The following AGAP5 variants were observed in gnomAD, a reference collection of about 807,000 sequenced individuals.
The protein encoded by AGAP5 is arf-GAP with GTPase, ANK repeat and PH domain-containing protein 5.
In AGAP5, 8 loss-of-function variants were observed where a neutral mutation model predicts 27.7. The observed-to-expected ratio is 0.29, with a 90% CI of 0.17 to 0.52. The LOEUF (loss-of-function observed/expected upper bound fraction) is 0.52, where lower values mean the gene tolerates loss of function less well. Among genes scored for constraint, AGAP5 ranks in the 20% least tolerant of loss-of-function variants. The pLI is 0.97. For missense variants in AGAP5, 285 were observed against 880.8 expected, an observed-to-expected ratio of 0.32 and a Z score of 8.56; for synonymous variants, 111 against 338.0, an observed-to-expected ratio of 0.33 and a Z score of 7.37.
intron 4 of AGAP5, among the ~76,000 whole-genome samples, chr10:73,687,153 C>T (rs796687372): frequency 6.6e-6 from 1 of 152,164 alleles, no homozygotes; most frequent in South Asian, 2.1e-4. Context: ...TAAAGTACAG[C>T]ATTTTTCTCA....
intron 4 of AGAP5, among the ~76,000 whole-genome samples, chr10:73,689,454 C>A (rs1385571776): frequency 6.8e-6 from 1 of 146,208 alleles, no homozygotes; most frequent in African/African-American, 2.6e-5. Context: ...GCCCCATCGT[C>A]TGGGATGTGA....
In AGAP5 at chr10:73,675,831, C is replaced by T. The variant is rs774468046; in HGVS notation, c.829G>A (p.Gly277Arg). The T allele has an allele frequency of 1.4e-5, 23 of 1,613,618 alleles. No homozygotes were observed. The highest frequency in any genetic ancestry group is 1.1e-4 in the South Asian group (10 of 91,052). ...KAPENHADTI[G>R]SGRAIPIKQG... is the part of the protein sequence containing the mutation. ...TTAATGGGGATGGCTCTGCCGCTCC[C>T]GATGGTGTCAGCATGATTCTCCGGG... Residue 277 changes from glycine (G) to arginine (R), a missense_variant, in exon 8 of 8, where the codon GGG becomes AGG. Gly to Arg is a moderately radical substitution (Grantham distance 125). Transcript: ENST00000374094.
intron 4 of AGAP5, among the ~76,000 whole-genome samples, chr10:73,690,148 G>A (rs1314011723): frequency 3.3e-5 from 5 of 152,256 alleles, no homozygotes; most frequent in Admixed American, 2.6e-4. Flanking sequence ...TGACAATGGC[G>A]GTTTTGTGGA....
intron 3 of AGAP5, among the ~76,000 whole-genome samples, 159 bp downstream of exon 3, chr10:73,694,574 TAAC>T (rs1211583703): frequency 2.6e-5 from 4 of 152,206 alleles, no homozygotes; most frequent in East Asian, 1.9e-4. Flanking sequence ...ACTAACATCA[TAAC>T]AACTAAAGGA....
At chr10:73,688,568 G>A (rs925979720) in intron 4 of AGAP5, among the ~76,000 whole-genome samples, 2 of 151,552 alleles carry the variant, frequency 1.3e-5, no homozygotes, top group Non-Finnish European at 2.9e-5. Context: ...AGAAATAGTA[G>A]AGGATAAAGT....
chr10:73,675,400 T>G lies in AGAP5; in HGVS notation c.1260A>C (p.Thr420=). 1 of 1,613,730 alleles carries G rather than the reference T, an allele frequency of 6.2e-7. No individual in the cohort carries two copies. Among genetic ancestry groups the G allele is most frequent in the Non-Finnish European group, 8.5e-7 (1 of 1,179,960 alleles). ...CATACGTCGTGGCTTCAAAGTGCCATGTTTGGCCAGTGGCAGACACAATCA... is the reference window on the plus strand; with the variant it reads ...CATACGTCGTGGCTTCAAAGTGCCAGGTTTGGCCAGTGGCAGACACAATCA... ...NFMIVSATGQ[T]WHFEATTYEE... Residue 420 remains threonine (T), a synonymous_variant, in exon 8 of 8, where the codon ACA becomes ACC. Transcript: ENST00000374094.
rs571144466 is a variant in AGAP5, at chr10:73,675,905, T to C, written c.755A>G (p.Asn252Ser). The change falls in exon 8 of 8, where the codon AAC becomes AGC. Residue 252 changes from asparagine to serine, a missense_variant. Asn to Ser is a conservative substitution (Grantham distance 46). Transcript: ENST00000374094. ...ACTCCCTTTCTCAGATGTAAACAGG[T>C]TGGACCAGCGCATGGACCGCTTGCA... ...PVCKRSMRWSNLFTSEKGSHP... is the reference protein window; with the variant it reads ...PVCKRSMRWSSLFTSEKGSHP... 5 of 1,613,852 alleles carry C rather than the reference T, an allele frequency of 3.1e-6. No individual in the cohort carries two copies. The Admixed American group carries it at 8.3e-5, about 27-fold the overall frequency.
intron 4 of AGAP5, among the ~76,000 whole-genome samples, chr10:73,689,251 G>A (rs1158371273): frequency 2.6e-5 from 4 of 152,254 alleles, no homozygotes; most frequent in South Asian, 2.1e-4. Flanking sequence ...GGCCTCCCGA[G>A]GTGCCGGGAT....
At chr10:73,680,720 TG>T (rs2082018520) in intron 5 of AGAP5, among the ~76,000 whole-genome samples, 1 of 148,330 alleles carries the variant, frequency 6.7e-6, no homozygotes, top group Non-Finnish European at 1.5e-5. Context: ...CCCAAGTGGC[TG>T]GGATTACAGG....
intron 4 of AGAP5, among the ~76,000 whole-genome samples, chr10:73,686,293 CAT>C (rs2082063135): frequency 6.6e-6 from 1 of 152,162 alleles, no homozygotes; most frequent in Non-Finnish European, 1.5e-5. Flanking sequence ...CCACCTAAAA[CAT>C]AAAGTGAAGA....
At chr10:73,676,961 C>T (rs906010442) in intron 6 of AGAP5, among the ~76,000 whole-genome samples, 191 bp from the exon 7 acceptor site, 2 of 152,010 alleles carry the variant, frequency 1.3e-5, no homozygotes, top group Non-Finnish European at 2.9e-5. Flanking sequence ...TGGCCTGTAC[C>T]GTGAAGCCTT....
At chr10:73,689,898 G>T (rs1201093853) in intron 4 of AGAP5, among the ~76,000 whole-genome samples, 1 of 151,824 alleles carries the variant, frequency 6.6e-6, no homozygotes, top group African/African-American at 2.4e-5. Flanking sequence ...CCCCGTCCGG[G>T]AGGTGAGGGG....
At chr10:73,692,285 T>C (rs1228318190) in intron 3 of AGAP5, among the ~76,000 whole-genome samples, 1 of 152,058 alleles carries the variant, frequency 6.6e-6, no homozygotes, top group African/African-American at 2.4e-5. Context: ...AGTTTACTTT[T>C]TGTTTCTATT....
intron 3 of AGAP5, among the ~76,000 whole-genome samples, chr10:73,693,711 A>T (rs2082137962): frequency 1.3e-5 from 2 of 151,692 alleles, no homozygotes; most frequent in African/African-American, 4.8e-5. Context: ...AAAAAAAAAA[A>T]AAAAGAGTGT....
intron 3 of AGAP5, among the ~76,000 whole-genome samples, chr10:73,693,564 T>C (rs1345969445): frequency 6.6e-6 from 1 of 151,984 alleles, no homozygotes; most frequent in African/African-American, 2.4e-5. Context: ...CCAGGTGTTA[T>C]TGTGCCCACC....
intron 4 of AGAP5, among the ~76,000 whole-genome samples, chr10:73,686,734 C>G (rs1187562077): frequency 1.3e-5 from 2 of 152,124 alleles, no homozygotes; most frequent in Non-Finnish European, 2.9e-5. Flanking sequence ...GCCCATCAAT[C>G]AATGAGCGGA....
rs1336192795 is a variant in AGAP5 at position 73,692,437 on chromosome 10, T to C, written c.362-360A>G. On this transcript the variant is annotated intron_variant, in intron 3 of 7. Coordinates refer to ENST00000374094, the MANE Select transcript of AGAP5 (RefSeq NM_001144000.4). ...TATTCTCTAATTCTGCATTTACACATAGCTTACTTTAATTATCAGACTCTA... is the reference window on the plus strand; with the variant it reads ...TATTCTCTAATTCTGCATTTACACACAGCTTACTTTAATTATCAGACTCTA... 5.3e-5 allele frequency among the ~76,000 whole-genome samples: 8 copies of C among 152,096 alleles called. 1 individual carries two copies. Among genetic ancestry groups the C allele is most frequent in the Admixed American group, 4.6e-4 (7 of 15,278 alleles).
intron 3 of AGAP5, among the ~76,000 whole-genome samples, chr10:73,693,622 C>A (rs1268285988): frequency 6.6e-6 from 1 of 151,358 alleles, no homozygotes; most frequent in Non-Finnish European, 1.5e-5. Context: ...TTGCTTGAAC[C>A]TGGGAGATGG....
chr10:73,680,553 G>C (rs1334213203), intron 5 of AGAP5, among the ~76,000 whole-genome samples: 1 of 93,538 alleles, frequency 1.1e-5, no homozygotes, highest in African/African-American at 4.2e-5. Flanking sequence ...AAGAAGCTGG[G>C]ACTACAAGTT....
Sources: allele counts gnomAD v4.1 joint callset (sites outside exome capture counted in the v4.1 genomes callset), GRCh38; gene constraint gnomAD v4.1.1; transcripts MANE v1.5; gene names NCBI Gene and HGNC (gene_info 2026-07-23, HGNC 2026-07-21).